ZNF727: variants seen among roughly 807,000 people sequenced by gnomAD.
ZNF727 encodes putative zinc finger protein 727.
ZNF727 carries 11 observed loss-of-function variants against 11.5 expected under a neutral mutation model. The observed-to-expected ratio is 0.95, with a 90% CI of 0.60 to 1.58. The LOEUF (loss-of-function observed/expected upper bound fraction) is 1.58. Ranked by LOEUF, ZNF727 falls within the 40% of genes most tolerant of loss-of-function variation. The probability of loss-of-function intolerance (pLI) is 0.00; values close to 1 mark genes in which losing one functional copy is unlikely to be tolerated. For missense variants in ZNF727, 533 were observed against 581.7 expected, an observed-to-expected ratio of 0.92 and a Z score of 0.86; for synonymous variants, 171 against 196.1, an observed-to-expected ratio of 0.87 and a Z score of 1.07.
Position 64,054,665 on chromosome 7 carries a change from C to G in ZNF727, c.3+9041C>G, listed in dbSNP as rs555325489. On this transcript the variant is annotated intron_variant, in intron 1 of 3. Coordinates refer to ENST00000456806, the MANE Select transcript of ZNF727 (RefSeq NM_001159522.3). ...GCTTAGGTATTTTGTATATTCTCTT[C>G]TAATTTGATTGCACAGGATTGTCTG... Among the ~76,000 whole-genome samples the G allele has an allele frequency of 3.3e-5, 5 of 152,288 alleles. No individual in the cohort carries two copies. The South Asian group carries it at 8.3e-4, about 25-fold the overall frequency.
At chr7:64,073,298 A>AT (rs780892038) in intron 3 of ZNF727, among the ~76,000 whole-genome samples, 1 of 82,180 alleles carries the variant, frequency 1.2e-5, no homozygotes, top group Non-Finnish European at 2.8e-5. Context: ...ATGTTTTTCA[A>AT]TTTTTTGTGT....
chr7:64,061,524 A>C (rs779618421), intron 1 of ZNF727, among the ~76,000 whole-genome samples: 7 of 150,410 alleles, frequency 4.7e-5, no homozygotes, highest in Non-Finnish European at 8.9e-5. Context: ...ATTTGCATGG[A>C]GTATCTTTTT....
chr7:64,055,720 AT>A (rs1280890559), intron 1 of ZNF727, among the ~76,000 whole-genome samples: 9 of 152,216 alleles, frequency 5.9e-5, no homozygotes, highest in Non-Finnish European at 1.3e-4. Flanking sequence ...GGTTAATAAT[AT>A]TTCATTGCAT....
chr7:64,058,728 G>T (rs1258384421), intron 1 of ZNF727, among the ~76,000 whole-genome samples: 1 of 152,140 alleles, frequency 6.6e-6, no homozygotes, highest in Non-Finnish European at 1.5e-5. Context: ...AATTATTCCA[G>T]GCCTCAAAGG....
chr7:64,069,561 A>C lies in ZNF727; in HGVS notation c.178A>C (p.Lys60Gln). The C allele has an allele frequency of 1.3e-6, 2 of 1,564,626 alleles. No homozygotes were observed. Among genetic ancestry groups the C allele is most frequent in the Non-Finnish European group, 8.7e-7 (1 of 1,153,690 alleles). Residue 60 changes from lysine (K) to glutamine (Q), a missense_variant, in exon 3 of 4, where the codon AAA becomes CAA. Physicochemically the swap from Lys to Gln is moderately conservative, Grantham distance 53. Coordinates refer to ENST00000456806, the MANE Select transcript of ZNF727 (RefSeq NM_001159522.3). Reference protein sequence around the residue: ...PDLITYLEQRKEPWNARRQKT... With the variant: ...PDLITYLEQRQEPWNARRQKT... Reference sequence around the variant, plus strand: ...CTTGATTACCTATCTGGAGCAAAGAAAAGAGCCTTGGAATGCGAGGAGACA... The same window carrying C: ...CTTGATTACCTATCTGGAGCAAAGACAAGAGCCTTGGAATGCGAGGAGACA...
intron 3 of ZNF727, among the ~76,000 whole-genome samples, chr7:64,070,909 A>G (rs1789950961): frequency 6.6e-6 from 1 of 152,004 alleles, no homozygotes; most frequent in Non-Finnish European, 1.5e-5. Flanking sequence ...CACTCGGCAT[A>G]ACGTCATCTA....
Position 64,084,064 on chromosome 7 carries a change from A to AT in ZNF727, c.*5516dup, listed in dbSNP as rs1337737149. ...CCAGAGTTAGGAGAAGTTCTTCCGT[A>AT]TCAGATGAAAAGATTTATATACTTT... On this transcript the variant is annotated 3_prime_UTR_variant, in exon 4 of 4. Transcript: ENST00000456806. Among the ~76,000 whole-genome samples, 2 of 152,224 alleles carry AT rather than the reference A, an allele frequency of 1.3e-5. No individual in the cohort carries two copies. Among genetic ancestry groups the AT allele is most frequent in the African/African-American group, 4.8e-5 (2 of 41,464 alleles).
At position 64,078,684 on chromosome 7, in the gene ZNF727, A is replaced by G; in HGVS notation, c.*135A>G. On this transcript the variant is annotated 3_prime_UTR_variant, in exon 4 of 4. Transcript: ENST00000456806. ...TTGTGAAGAATGTGGCAAAGCCTTTATCCGCTCCTCAACCCTTACAAGCCA... is the reference window on the plus strand; with the variant it reads ...TTGTGAAGAATGTGGCAAAGCCTTTGTCCGCTCCTCAACCCTTACAAGCCA... 7 of 1,287,482 alleles carry G rather than the reference A, an allele frequency of 5.4e-6. No individual in the cohort carries two copies. The highest frequency in any genetic ancestry group is 7.8e-6 in the Non-Finnish European group (7 of 892,062). 79.8% of individuals were successfully genotyped at this position (1,287,482 alleles called of 1,614,324 possible).
chr7:64,084,355 A>G lies in ZNF727; in HGVS notation c.*5806A>G, dbSNP rs1341882280. 6.6e-6 allele frequency among the ~76,000 whole-genome samples: 1 copy of G among 152,224 alleles called. No homozygotes were observed. Among genetic ancestry groups the G allele is most frequent in the Non-Finnish European group, 1.5e-5 (1 of 68,026 alleles). On this transcript the variant is annotated 3_prime_UTR_variant, in exon 4 of 4. Coordinates refer to ENST00000456806, the MANE Select transcript of ZNF727 (RefSeq NM_001159522.3). ...CAATGTATGAACTTAATTTATTTTA[A>G]TAAACCAAAATTATTGTTATTGAGT...
chr7:64,072,276 T>G (rs1216895342), intron 3 of ZNF727, among the ~76,000 whole-genome samples: 1 of 152,094 alleles, frequency 6.6e-6, no homozygotes, highest in Non-Finnish European at 1.5e-5. Flanking sequence ...CATGGCTGCT[T>G]CTTGGTCTGT....
rs4717978 is a variant in ZNF727, at chr7:64,082,309, C to T, written c.*3760C>T. On this transcript the variant is annotated 3_prime_UTR_variant, in exon 4 of 4. Coordinates refer to ENST00000456806, the MANE Select transcript of ZNF727 (RefSeq NM_001159522.3). Reference sequence around the variant, plus strand: ...GAGAATATATGAGAACAGGCACTCACGTAACAGTCTGGCCACTTTTCTGAA... The same window carrying T: ...GAGAATATATGAGAACAGGCACTCATGTAACAGTCTGGCCACTTTTCTGAA... 0.62 allele frequency among the ~76,000 whole-genome samples: 94,659 copies of T among 152,084 alleles called. 30,135 individuals carry two copies. The highest frequency in any genetic ancestry group is 0.68 in the Non-Finnish European group (46,501 of 68,008).
intron 1 of ZNF727, among the ~76,000 whole-genome samples, chr7:64,054,720 A>T (rs1213681319): frequency 1.3e-5 from 2 of 152,178 alleles, no homozygotes; most frequent in Non-Finnish European, 2.9e-5. Flanking sequence ...ATATTGTGGA[A>T]TTTTTTATAA....
At chr7:64,065,086 G>A (rs1454844946) in intron 1 of ZNF727, among the ~76,000 whole-genome samples, 1 of 152,100 alleles carries the variant, frequency 6.6e-6, no homozygotes, top group Non-Finnish European at 1.5e-5. Flanking sequence ...TTATCTGGGG[G>A]ATGGTTGCTG....
chr7:64,070,285 G>GT (rs1192960753), intron 3 of ZNF727, among the ~76,000 whole-genome samples: 14 of 152,012 alleles, frequency 9.2e-5, no homozygotes, highest in African/African-American at 3.4e-4. Flanking sequence ...ATAGTTCAGT[G>GT]TATCTACTTC....
At chr7:64,053,104 G>A (rs1269071638) in intron 1 of ZNF727, among the ~76,000 whole-genome samples, 1 of 152,112 alleles carries the variant, frequency 6.6e-6, no homozygotes, top group Admixed American at 6.5e-5. Context: ...GAGAAGGCAT[G>A]ATTGATTATG....
At chr7:64,053,598 C>A (rs553949801) in intron 1 of ZNF727, among the ~76,000 whole-genome samples, 2 of 152,030 alleles carry the variant, frequency 1.3e-5, no homozygotes, top group Non-Finnish European at 2.9e-5. Flanking sequence ...GGATTACAGG[C>A]GTGAGCCACT....
rs1167191137 is a variant in ZNF727, at chr7:64,077,781, T to C, written c.732T>C (p.Thr244=). 5.7e-6 allele frequency: 9 copies of C among 1,574,368 alleles called. No individual in the cohort carries two copies. The highest frequency in any genetic ancestry group is 2.4e-5 in the East Asian group (1 of 42,274). Residue 244 remains threonine, a synonymous_variant, in exon 4 of 4, where the codon ACT becomes ACC. Transcript: ENST00000456806. The stretch of plus-strand genomic sequence containing the variant: ...CATTTACCTGTTCCTCAGCCCTTAC[T>C]AAACACAAGAGAAATCATACTGGAG... ...GKTFTCSSAL[T]KHKRNHTGDR...
At chr7:64,073,185 A>G (rs1789988929) in intron 3 of ZNF727, among the ~76,000 whole-genome samples, 1 of 151,892 alleles carries the variant, frequency 6.6e-6, no homozygotes, top group Non-Finnish European at 1.5e-5. Context: ...TTTTGTTTAA[A>G]TAACCTCTGT....
chr7:64,066,624 T>A (rs1789873930), intron 1 of ZNF727, among the ~76,000 whole-genome samples: 1 of 152,140 alleles, frequency 6.6e-6, no homozygotes, highest in Non-Finnish European at 1.5e-5. Context: ...ACTGGACCCC[T>A]TCCTTACACC....
Sources: gnomAD v4.1 joint callset for allele counts (sites outside exome capture counted in the v4.1 genomes callset) on GRCh38, gnomAD v4.1.1 for gene constraint, MANE v1.5 for transcripts, NCBI Gene and HGNC (gene_info 2026-07-23, HGNC 2026-07-21) for gene names.